ANKRD22: variants seen among roughly 807,000 people sequenced by gnomAD.
ANKRD22 encodes ankyrin repeat domain 22.
In ANKRD22, 24 loss-of-function variants were observed where a neutral mutation model predicts 25.7. The observed-to-expected ratio is 0.93, with a 90% CI of 0.68 to 1.31. The LOEUF (loss-of-function observed/expected upper bound fraction) is 1.31. ANKRD22 is among the 50% of genes most tolerant of loss of function. The pLI, the probability that ANKRD22 is intolerant of heterozygous loss-of-function variation, is 0.00. For missense variants in ANKRD22, 214 were observed against 227.1 expected (o/e 0.94, Z 0.37); for synonymous variants, 84 against 84.3 (o/e 1.00, Z 0.02).
rs536545320 is a variant in ANKRD22 at position 88,819,969 on chromosome 10, T to C, written c.*2972A>G. 9.8e-4 allele frequency among the ~76,000 whole-genome samples: 149 copies of C among 152,374 alleles called. No individual in the cohort carries two copies. The highest frequency in any genetic ancestry group is 3.4e-3 in the African/African-American group (140 of 41,594). Reference sequence around the variant, plus strand: ...AGAAATACAAGGCATTACATGTTTTTATGTGTTTTGTCATTTGATCTAGCA... The same window carrying C: ...AGAAATACAAGGCATTACATGTTTTCATGTGTTTTGTCATTTGATCTAGCA... On this transcript the variant is annotated 3_prime_UTR_variant, in exon 6 of 6. Coordinates refer to ENST00000371930, the MANE Select transcript of ANKRD22 (RefSeq NM_144590.3).
chr10:88,839,746 A>C (rs1286404374), intron 1 of ANKRD22, among the ~76,000 whole-genome samples: 1 of 152,182 alleles, frequency 6.6e-6, no homozygotes, highest in Non-Finnish European at 1.5e-5. Flanking sequence ...CTGGCTGGGA[A>C]GTGAGGCTAG....
chr10:88,829,262 A>G (rs1390979663), intron 2 of ANKRD22, among the ~76,000 whole-genome samples: 2 of 152,244 alleles, frequency 1.3e-5, no homozygotes. Context: ...ACAAATAAAT[A>G]TAAGGCAAAA....
At chr10:88,826,190 C>A in intron 3 of ANKRD22, 75 bp from the exon 4 acceptor site, 1 of 1,245,406 alleles carries the variant, frequency 8.0e-7, no homozygotes, top group South Asian at 1.3e-5. Flanking sequence ...ACTATTTAAT[C>A]AATAGGCTTC....
chr10:88,829,376 T>C (rs1329298830), intron 2 of ANKRD22, among the ~76,000 whole-genome samples: 2 of 152,240 alleles, frequency 1.3e-5, no homozygotes, highest in African/African-American at 2.4e-5. Context: ...TGTACCTAAA[T>C]AAGAACACTT....
intron 1 of ANKRD22, among the ~76,000 whole-genome samples, chr10:88,844,075 TG>T (rs911745997): frequency 5.4e-4 from 82 of 152,198 alleles, no homozygotes; most frequent in African/African-American, 1.7e-3. Flanking sequence ...TTAGATCTCT[TG>T]AAGGTGAGAT....
chr10:88,851,184 T>C (rs1169421938), intron 1 of ANKRD22, among the ~76,000 whole-genome samples: 1 of 152,118 alleles, frequency 6.6e-6, no homozygotes, highest in Non-Finnish European at 1.5e-5. Context: ...ATTACTCTGG[T>C]CATGTGGTTC....
At chr10:88,833,777 T>C (rs1843928336) in intron 1 of ANKRD22, among the ~76,000 whole-genome samples, 1 of 152,200 alleles carries the variant, frequency 6.6e-6, no homozygotes, top group Non-Finnish European at 1.5e-5. Context: ...AAATCACCTA[T>C]TCTGTTATCC....
intron 2 of ANKRD22, among the ~76,000 whole-genome samples, chr10:88,831,084 C>T (rs1045959628): frequency 1.3e-5 from 2 of 152,180 alleles, no homozygotes; most frequent in African/African-American, 4.8e-5. Context: ...AGTGTTTTCT[C>T]GCCTTGAATG....
intron 3 of ANKRD22, among the ~76,000 whole-genome samples, chr10:88,827,916 G>A (rs1767378203): frequency 6.6e-6 from 1 of 152,152 alleles, no homozygotes; most frequent in Non-Finnish European, 1.5e-5. Flanking sequence ...GTAAGTCAGT[G>A]CAGATCTGTT....
At chr10:88,839,023 G>A (rs1439473769) in intron 1 of ANKRD22, among the ~76,000 whole-genome samples, 1 of 152,126 alleles carries the variant, frequency 6.6e-6, no homozygotes, top group Non-Finnish European at 1.5e-5. Context: ...GATTGATAGG[G>A]CCCACTGACT....
At chr10:88,851,509 A>C (rs1844104287) in intron 1 of ANKRD22, 78 bp downstream of exon 1, 2 of 1,512,822 alleles carry the variant, frequency 1.3e-6, no homozygotes, top group Non-Finnish European at 1.8e-6. Flanking sequence ...ATATATTAAC[A>C]GGGATAGAAA....
At chr10:88,835,764 G>A (rs1286414666) in intron 1 of ANKRD22, among the ~76,000 whole-genome samples, 1 of 152,110 alleles carries the variant, frequency 6.6e-6, no homozygotes, top group African/African-American at 2.4e-5. Context: ...TCGCACTAAC[G>A]CTGAAGACTC....
At chr10:88,843,178 A>G (rs1314433506) in intron 1 of ANKRD22, among the ~76,000 whole-genome samples, 2 of 151,972 alleles carry the variant, frequency 1.3e-5, no homozygotes, top group African/African-American at 2.4e-5. Context: ...CCTGCCATCT[A>G]CTTCACCTCC....
chr10:88,838,950 G>C (rs905259414), intron 1 of ANKRD22, among the ~76,000 whole-genome samples: 2 of 152,152 alleles, frequency 1.3e-5, no homozygotes, highest in African/African-American at 4.8e-5. Flanking sequence ...GTTCCCATGG[G>C]CTAACCTGTG....
At chr10:88,828,021 C>A (rs1197071163) in intron 3 of ANKRD22, among the ~76,000 whole-genome samples, 1 of 152,166 alleles carries the variant, frequency 6.6e-6, no homozygotes, top group Admixed American at 6.5e-5. Flanking sequence ...TTTCTTTATT[C>A]AAGAAAATTG....
At chr10:88,849,324 A>G (rs781418317) in intron 1 of ANKRD22, among the ~76,000 whole-genome samples, 1 of 152,130 alleles carries the variant, frequency 6.6e-6, no homozygotes, top group Non-Finnish European at 1.5e-5. Flanking sequence ...TAGTTTACTC[A>G]TTCTTTCCAC....
chr10:88,850,143 T>C (rs903279541), intron 1 of ANKRD22, among the ~76,000 whole-genome samples: 4 of 151,604 alleles, frequency 2.6e-5, no homozygotes, highest in African/African-American at 7.3e-5. Context: ...TACAAATGAG[T>C]AGGCTATGTT....
At chr10:88,850,018 T>C (rs1195074400) in intron 1 of ANKRD22, among the ~76,000 whole-genome samples, 3 of 151,670 alleles carry the variant, frequency 2.0e-5, no homozygotes, top group African/African-American at 7.3e-5. Context: ...TTTTTTTTTT[T>C]TTTGAATAGA....
chr10:88,847,457 C>T (rs1844060254), intron 1 of ANKRD22, among the ~76,000 whole-genome samples: 1 of 152,104 alleles, frequency 6.6e-6, no homozygotes, highest in Admixed American at 6.6e-5. Context: ...CAGGGTTTCA[C>T]CTTGTTGGCC....
Sources: allele counts gnomAD v4.1 joint callset (sites outside exome capture counted in the v4.1 genomes callset), GRCh38; gene constraint gnomAD v4.1.1; transcripts MANE v1.5; gene names NCBI Gene and HGNC (gene_info 2026-07-23, HGNC 2026-07-21).